Variants in PCIF1 observed in about 807,000 individuals in gnomAD.
The protein encoded by PCIF1 is mRNA (2'-O-methyladenosine-N(6)-)-methyltransferase.
PCIF1 carries 12 observed loss-of-function variants against 86.9 expected under a neutral mutation model. The ratio of observed to expected loss-of-function variants is 0.14; its 90% confidence interval spans 0.09 to 0.22. The LOEUF (loss-of-function observed/expected upper bound fraction) is 0.22, where lower values mean the gene tolerates loss of function less well. Among genes scored for constraint, PCIF1 ranks in the 10% least tolerant of loss-of-function variants. The probability of loss-of-function intolerance (pLI) is 1.00; values close to 1 mark genes in which losing one functional copy is unlikely to be tolerated. For synonymous variants in PCIF1, 397 were observed against 372.0 expected, an observed-to-expected ratio of 1.07 and a Z score of -0.77; for missense variants, 701 against 951.1, an observed-to-expected ratio of 0.74 and a Z score of 3.46.
intron 2 of PCIF1, among the ~76,000 whole-genome samples, chr20:45,938,584 G>A (rs902166153): frequency 5.9e-5 from 9 of 152,216 alleles, no homozygotes. Flanking sequence ...ATTTCTGGAA[G>A]TTCTGACAGT....
chr20:45,940,922 T>A lies in PCIF1; in HGVS notation c.501T>A (p.Ala167=). 1 of 1,614,066 alleles carries A rather than the reference T, an allele frequency of 6.2e-7. No individual in the cohort carries two copies. Among genetic ancestry groups the A allele is most frequent in the South Asian group, 1.1e-5 (1 of 91,074 alleles). ...GTSPEDKQQA[A]LLRPTEVYWD... is the part of the protein sequence containing the mutation. ...CCCCTGAAGATAAACAGCAGGCAGC[T>A]CTCCTACGACCCACTGAGTGAGTCC... The change falls in exon 6 of 17, where the codon GCT becomes GCA. Residue 167 remains alanine (A), a synonymous_variant. Transcript: ENST00000372409.
chr20:45,943,508 C>T lies in PCIF1; in HGVS notation c.905+85C>T. The T allele has an allele frequency of 6.4e-6, 9 of 1,414,580 alleles. No individual in the cohort carries two copies. Among genetic ancestry groups the T allele is most frequent in the Non-Finnish European group, 7.8e-6 (8 of 1,019,572 alleles). 87.6% of individuals were successfully genotyped at this position (1,414,580 alleles called of 1,614,324 possible). On this transcript the variant is annotated intron_variant, in intron 9 of 16. Coordinates refer to ENST00000372409, the MANE Select transcript of PCIF1 (RefSeq NM_022104.4). The surrounding 1 kb of genome is among the most constrained non-coding windows in gnomAD (Gnocchi z 5.5). ...CCATCTTGCCCAGTCTCATGCAGGG[C>T]TGTCATTGCTCTCGGTGGCAGAAGT...
At chr20:45,938,071 CTA>C (rs1345082823) in intron 2 of PCIF1, 1 of 152,436 alleles carries the variant, frequency 6.6e-6, no homozygotes, top group African/African-American at 2.4e-5. Context: ...ATCACCAGTT[CTA>C]TCTCAGTTAG....
chr20:45,940,371 TC>T, intron 4 of PCIF1, 103 bp from the exon 5 acceptor site: 1 of 1,383,682 alleles, frequency 7.2e-7, no homozygotes, highest in Non-Finnish European at 9.6e-7. Flanking sequence ...CCTCTGCTCT[TC>T]CCTAAGGAGT....
chr20:45,945,096 A>G (rs2083510711), intron 11 of PCIF1, 66 bp downstream of exon 11: 1 of 1,490,486 alleles, frequency 6.7e-7, no homozygotes, highest in East Asian at 2.5e-5. Flanking sequence ...TGGAAGGGAC[A>G]AGTGAGACTG....
chr20:45,941,755 G>T (rs1244932308), intron 7 of PCIF1, among the ~76,000 whole-genome samples: 1 of 151,822 alleles, frequency 6.6e-6, no homozygotes, highest in African/African-American at 2.4e-5. Context: ...ACCACACCTG[G>T]CTAATTTTTT....
At chr20:45,936,687 T>G (rs948861671) in intron 1 of PCIF1, among the ~76,000 whole-genome samples, 1 of 151,714 alleles carries the variant, frequency 6.6e-6, no homozygotes, top group Non-Finnish European at 1.5e-5. Flanking sequence ...TCCCAGCACT[T>G]TAGGAGGCCC....
chr20:45,939,398 C>T, intron 4 of PCIF1, 59 bp downstream of exon 4: 2 of 1,603,446 alleles, frequency 1.2e-6, no homozygotes, highest in Non-Finnish European at 1.7e-6. Context: ...TGGGCCTTCC[C>T]CAAATGTACC....
intron 4 of PCIF1, 76 bp from the exon 5 acceptor site, chr20:45,940,399 G>A: frequency 6.8e-7 from 1 of 1,469,132 alleles, no homozygotes; most frequent in Non-Finnish European, 9.1e-7. Context: ...AGGGGTGGGA[G>A]GGCGTGAGGA....
In PCIF1 at chr20:45,943,477, C is replaced by A; in HGVS notation, c.905+54C>A. On this transcript the variant is annotated intron_variant, in intron 9 of 16. Coordinates refer to ENST00000372409, the MANE Select transcript of PCIF1 (RefSeq NM_022104.4). The surrounding 1 kb of genome is among the most constrained non-coding windows in gnomAD (Gnocchi z 5.5). The stretch of plus-strand genomic sequence containing the variant: ...TGGGTCTGTGATTAAAGTGGCAGGT[C>A]ATAGGCCATCTTGCCCAGTCTCATG... 1 of 1,545,120 alleles carries A rather than the reference C, an allele frequency of 6.5e-7. No homozygotes were observed. The highest frequency in any genetic ancestry group is 1.1e-5 in the South Asian group (1 of 89,092).
intron 7 of PCIF1, among the ~76,000 whole-genome samples, chr20:45,942,475 C>T (rs1170986265): frequency 2.0e-5 from 3 of 151,986 alleles, no homozygotes; most frequent in South Asian, 4.2e-4. Context: ...CCACCACACC[C>T]AGCTAATTTT....
chr20:45,939,980 G>A (rs899708809), intron 4 of PCIF1, among the ~76,000 whole-genome samples: 11 of 152,202 alleles, frequency 7.2e-5, no homozygotes, highest in Admixed American at 6.5e-4. Context: ...AGACCTCACA[G>A]TAATAGGCAG....
chr20:45,938,877 G>C, intron 2 of PCIF1, 104 bp from the exon 3 acceptor site: 1 of 1,474,834 alleles, frequency 6.8e-7, no homozygotes, highest in South Asian at 1.3e-5. Context: ...GATAGGACCT[G>C]ATTGGATTTC....
chr20:45,940,618 T>A lies in PCIF1; in HGVS notation c.387+6T>A. 1.2e-6 allele frequency: 2 copies of A among 1,607,740 alleles called. No individual in the cohort carries two copies. Among genetic ancestry groups the A allele is most frequent in the Non-Finnish European group, 1.7e-6 (2 of 1,176,712 alleles). ...ATGGTGTGAAGAAGCCCAAGGTGAG[T>A]GTCTGTGGCCAGGAGCCGGCTGCCG... On this transcript the variant is annotated splice_donor_region_variant and intron_variant, in intron 5 of 16. Transcript: ENST00000372409.
chr20:45,940,588 C>A lies in PCIF1; in HGVS notation c.363C>A (p.Ser121Arg). 1 of 1,611,210 alleles carries A rather than the reference C, an allele frequency of 6.2e-7. No homozygotes were observed. The highest frequency in any genetic ancestry group is 8.5e-7 in the Non-Finnish European group (1 of 1,178,658). ...RKRQLSEEQP[S>R]GNGVKKPKIE... ...GGCAGCTCTCGGAAGAGCAGCCAAG[C>A]GGCAATGGTGTGAAGAAGCCCAAGG... The change falls in exon 5 of 17, where the codon AGC becomes AGA. Residue 121 changes from serine to arginine, a missense_variant. Around this residue, in one of 7 missense-constraint regions of PCIF1, gnomAD observed 125 missense variants for 126.8 expected, o/e 0.99. Transcript: ENST00000372409.
At position 45,941,149 on chromosome 20, in the gene PCIF1, C is replaced by T; in HGVS notation, c.615C>T (p.Arg205=). 1 of 1,614,178 alleles carries T rather than the reference C, an allele frequency of 6.2e-7. No homozygotes were observed. Among genetic ancestry groups the T allele is most frequent in the Non-Finnish European group, 8.5e-7 (1 of 1,180,026 alleles). The change falls in exon 7 of 17, where the codon CGC becomes CGT. Residue 205 remains arginine (R), a synonymous_variant. Coordinates refer to ENST00000372409, the MANE Select transcript of PCIF1 (RefSeq NM_022104.4). ...CGCATCCCGAAGTGGAACTGCTCCG[C>T]TCTCAGCTCATCCTGAAGCTTCGGC... The part of the protein sequence containing the change: ...LPPHPEVELL[R]SQLILKLRQH...
chr20:45,935,731 T>TA (rs2083419432), intron 1 of PCIF1, among the ~76,000 whole-genome samples: 1 of 152,190 alleles, frequency 6.6e-6, no homozygotes, highest in East Asian at 1.9e-4. Flanking sequence ...CAGTCACTCT[T>TA]ACGGTGCGTT....
Position 45,941,039 on chromosome 20 carries a change from C to T in PCIF1, c.519-14C>T, listed in dbSNP as rs772590715. ...TGGGCAGGACATCCTCATCACTCCTCTCTGTGCCCCAAGGGTCTACTGGGA... is the reference window on the plus strand; with the variant it reads ...TGGGCAGGACATCCTCATCACTCCTTTCTGTGCCCCAAGGGTCTACTGGGA... On this transcript the variant is annotated splice_polypyrimidine_tract_variant and intron_variant, in intron 6 of 16. Transcript: ENST00000372409. 3.1e-6 allele frequency: 5 copies of T among 1,614,218 alleles called. No homozygotes were observed. In the South Asian group the frequency reaches 4.4e-5, roughly 14 times the overall value.
Position 45,943,060 on chromosome 20 carries a change from T to A in PCIF1, c.674-37T>A. On this transcript the variant is annotated intron_variant, in intron 7 of 16. Coordinates refer to ENST00000372409, the MANE Select transcript of PCIF1 (RefSeq NM_022104.4). This position sits in a 1 kb window ranked among gnomAD's most constrained non-coding sequence, Gnocchi z 5.5. ...CCAAGCTCCAAGTGGGACTGCTTGA[T>A]TAAATCCAGGCCTTCAGCAGCTCTC... is the stretch of plus-strand genomic sequence containing the variant. 2 of 1,603,782 alleles carry A rather than the reference T, an allele frequency of 1.2e-6. No individual in the cohort carries two copies. The highest frequency in any genetic ancestry group is 1.7e-6 in the Non-Finnish European group (2 of 1,173,188).
Sources: gnomAD v4.1 joint callset for allele counts (sites outside exome capture counted in the v4.1 genomes callset) on GRCh38, gnomAD v4.1.1 for gene constraint, gnomAD v4.1.1 regional missense constraint, Gnocchi (gnomAD v3.1) non-coding constraint, MANE v1.5 for transcripts, NCBI Gene and HGNC (gene_info 2026-07-23, HGNC 2026-07-21) for gene names.